Variants in CDKL2 observed in about 807,000 individuals in gnomAD.
CDKL2 encodes the protein cyclin-dependent kinase-like 2.
CDKL2 carries 64 observed loss-of-function variants against 63.9 expected under a neutral mutation model. The ratio of observed to expected loss-of-function variants is 1.00; its 90% confidence interval spans 0.82 to 1.23. The LOEUF (loss-of-function observed/expected upper bound fraction) is 1.23, where lower values mean the gene tolerates loss of function less well. Among genes scored for constraint, CDKL2 ranks in the 50% most tolerant of loss-of-function variants. The pLI is 0.00. For missense variants in CDKL2, 656 were observed against 668.0 expected (o/e 0.98, Z 0.20); for synonymous variants, 211 against 229.2 (o/e 0.92, Z 0.72).
intron 2 of CDKL2, 56 bp downstream of exon 2, chr4:75,625,765 T>C: frequency 2.3e-6 from 3 of 1,296,634 alleles, no homozygotes; most frequent in Non-Finnish European, 3.2e-6. Flanking sequence ...TTCTTCTTAT[T>C]GCCAAAAAAG....
chr4:75,595,976 A>AGAAGAAAG (rs1391543439), intron 10 of CDKL2: 2 of 153,384 alleles, frequency 1.3e-5, no homozygotes, highest in African/African-American at 6.9e-5. Context: ...AAGGAAGGAA[A>AGAAGAAAG]GAAGGAAGGA....
chr4:75,606,297 C>T (rs984842826), intron 4 of CDKL2, among the ~76,000 whole-genome samples: 12 of 151,926 alleles, frequency 7.9e-5, no homozygotes, highest in African/African-American at 2.7e-4. Context: ...TCACTGCAAC[C>T]TCTGCCTCCC....
intron 7 of CDKL2, among the ~76,000 whole-genome samples, chr4:75,599,566 A>AG (rs1560580641): frequency 1.3e-5 from 2 of 151,002 alleles, no homozygotes; most frequent in African/African-American, 4.9e-5. Context: ...AAAAAAAAAA[A>AG]AAAAGAAACT....
At chr4:75,581,921 C>CA in intron 12 of CDKL2, 23 bp from the exon 13 acceptor site, 2 of 1,528,530 alleles carry the variant, frequency 1.3e-6, no homozygotes, top group Non-Finnish European at 1.8e-6. Context: ...AATAGAGCAT[C>CA]ATAGGTTCTC....
rs1421626140 is a variant in CDKL2 at position 75,577,438 on chromosome 4, CT to C, written c.*1763del. ...GTAAATATTTTTTAGTTCCTTAATT[CT>C]AAAGTTCACAAAGTGTTTTAATAGG... On this transcript the variant is annotated 3_prime_UTR_variant, in exon 14 of 14. Coordinates refer to ENST00000307465, the MANE Select transcript of CDKL2 (RefSeq NM_001330724.2). Among the ~76,000 whole-genome samples the C allele has an allele frequency of 2.6e-5, 4 of 152,166 alleles. No homozygotes were observed. The highest frequency in any genetic ancestry group is 9.6e-5 in the African/African-American group (4 of 41,526).
chr4:75,586,588 T>C (rs114243501), intron 12 of CDKL2, among the ~76,000 whole-genome samples: 2,277 of 152,218 alleles, frequency 0.015, 60 homozygotes, highest in African/African-American at 0.053. Context: ...AAGGAAATTA[T>C]AGTAGCAGTA....
intron 2 of CDKL2, among the ~76,000 whole-genome samples, chr4:75,624,318 GAGGTA>G (rs1219456821): frequency 6.6e-6 from 1 of 152,018 alleles, no homozygotes; most frequent in South Asian, 2.1e-4. Flanking sequence ...TTGAAAGGCC[GAGGTA>G]GGAGGATTAC....
chr4:75,620,308 T>C (rs535435638), intron 2 of CDKL2, among the ~76,000 whole-genome samples: 2 of 151,932 alleles, frequency 1.3e-5, no homozygotes, highest in Non-Finnish European at 2.9e-5. Flanking sequence ...CCAGAACATA[T>C]CGGCGATTGA....
chr4:75,620,944 T>C (rs1259013546), intron 2 of CDKL2, among the ~76,000 whole-genome samples: 1 of 151,982 alleles, frequency 6.6e-6, no homozygotes, highest in Non-Finnish European at 1.5e-5. Context: ...GAGCATTTTT[T>C]TTTTTTTTTG....
intron 12 of CDKL2, among the ~76,000 whole-genome samples, chr4:75,582,217 C>T (rs1728292517): frequency 6.6e-6 from 1 of 152,174 alleles, no homozygotes; most frequent in African/African-American, 2.4e-5. Context: ...AAACAGAAAC[C>T]TGTTGGAACC....
intron 6 of CDKL2, among the ~76,000 whole-genome samples, chr4:75,601,925 A>G (rs1047091712): frequency 1.3e-5 from 2 of 152,240 alleles, no homozygotes; most frequent in African/African-American, 4.8e-5. Context: ...AGAGGTACCT[A>G]TCTTATCAAT....
At position 75,626,569 on chromosome 4, in the gene CDKL2, A is replaced by G. The variant is rs374657418; in HGVS notation, c.-29-552T>C. On this transcript the variant is annotated intron_variant, in intron 1 of 13. Coordinates refer to ENST00000307465, the MANE Select transcript of CDKL2 (RefSeq NM_001330724.2). The stretch of plus-strand genomic sequence containing the variant: ...GTAGTCCCAGCTACTCGGGAGGCTG[A>G]GGCAGGAGAATGGCGTGAACCCGGG... Among the ~76,000 whole-genome samples the G allele has an allele frequency of 5.2e-4, 79 of 151,980 alleles. 1 individual carries two copies. The East Asian group carries it at 0.015, about 28-fold the overall frequency.
At chr4:75,615,122 C>T (rs193025656) in intron 2 of CDKL2, among the ~76,000 whole-genome samples, 3 of 151,992 alleles carry the variant, frequency 2.0e-5, no homozygotes, top group African/African-American at 7.2e-5. Flanking sequence ...CAAAACAATT[C>T]ATTATGAACA....
chr4:75,625,387 T>C (rs1352199472), intron 2 of CDKL2, among the ~76,000 whole-genome samples: 1 of 152,032 alleles, frequency 6.6e-6, no homozygotes, highest in African/African-American at 2.4e-5. Context: ...TGAGAAAATA[T>C]TGTTAACAAT....
intron 12 of CDKL2, among the ~76,000 whole-genome samples, chr4:75,584,687 G>C (rs1728396356): frequency 6.6e-6 from 1 of 152,236 alleles, no homozygotes; most frequent in Non-Finnish European, 1.5e-5. Context: ...TAATCTGAAA[G>C]CCTAGACAGC....
Position 75,596,357 on chromosome 4 carries a change from A to T in CDKL2, c.1323-17T>A. On this transcript the variant is annotated splice_polypyrimidine_tract_variant and intron_variant, in intron 9 of 13. Transcript: ENST00000307465. ...TCATCCACTCTGTAACGACAAAAAA[A>T]AATGTTTTTAAGTTAGAACCAGCAA... The T allele has an allele frequency of 7.2e-6, 11 of 1,528,400 alleles. No individual in the cohort carries two copies. Among genetic ancestry groups the T allele is most frequent in the Non-Finnish European group, 1.0e-5 (11 of 1,103,578 alleles). The allele number at this position is 1,528,400 out of a possible 1,614,324, so 94.7% of individuals were successfully genotyped here.
rs17000707 is a variant in CDKL2 at position 75,607,330 on chromosome 4, A to G, written c.395T>C (p.Ile132Thr). The G allele has an allele frequency of 5.1e-4, 828 of 1,613,934 alleles. 3 individuals are homozygous for G. In the African/African-American group the frequency reaches 9.4e-3, roughly 18 times the overall value. The change falls in exon 4 of 14, where the codon ATA (isoleucine) becomes ACA (threonine). Residue 132 changes from isoleucine to threonine, a missense_variant. Transcript: ENST00000307465. ...GACAACGCCAGACTGGGAGACTAAT[A>G]TATTCTCTGGCTTTATATCTCTGTG... ...IIHRDIKPEN[I>T]LVSQSGVVKL...
chr4:75,591,771 AAGAG>A (rs1253050551), intron 12 of CDKL2, 44 bp downstream of exon 12: 2 of 1,249,548 alleles, frequency 1.6e-6, no homozygotes, highest in African/African-American at 3.0e-5. Context: ...ACTAGTAAGT[AAGAG>A]AGAGACCCGA....
chr4:75,609,689 A>C (rs1286255512), intron 3 of CDKL2, among the ~76,000 whole-genome samples: 4 of 148,700 alleles, frequency 2.7e-5, no homozygotes. Flanking sequence ...AAAAATCTAC[A>C]GCTAGGCAAA....
Sources: allele counts gnomAD v4.1 joint callset (sites outside exome capture counted in the v4.1 genomes callset), GRCh38; gene constraint gnomAD v4.1.1; transcripts MANE v1.5; gene names NCBI Gene and HGNC (gene_info 2026-07-23, HGNC 2026-07-21).